Variants in ROBO1 observed in about 807,000 individuals in gnomAD.
The protein encoded by ROBO1 is roundabout guidance receptor 1, also known as roundabout homolog 1.
Under a neutral mutation model 195.9 loss-of-function variants are expected in ROBO1, and 149 were observed. That is an observed-to-expected ratio of 0.76 (90% CI 0.67 to 0.87). The LOEUF (loss-of-function observed/expected upper bound fraction) is 0.87. ROBO1 is among the 40% of genes least tolerant of loss of function. The pLI is 0.00. For synonymous variants in ROBO1, 816 were observed against 733.2 expected (o/e 1.11, Z -1.82); for missense variants, 1,933 against 2,068.3 (o/e 0.93, Z 1.27).
At chr3:79,393,461 T>C (rs1413937755) in intron 2 of ROBO1, among the ~76,000 whole-genome samples, 3 of 152,204 alleles carry the variant, frequency 2.0e-5, no homozygotes, top group African/African-American at 4.8e-5. Context: ...TGAATCAAGG[T>C]TTTACTTTTC....
At chr3:79,499,288 C>T (rs1263099409) in intron 2 of ROBO1, among the ~76,000 whole-genome samples, 2 of 152,150 alleles carry the variant, frequency 1.3e-5, no homozygotes, top group Non-Finnish European at 2.9e-5. Context: ...AGCCACCGCG[C>T]CCGGCCCAAA....
intron 2 of ROBO1, among the ~76,000 whole-genome samples, chr3:79,235,829 A>T (rs1040497204): frequency 2.6e-5 from 4 of 152,166 alleles, no homozygotes; most frequent in Non-Finnish European, 5.9e-5. Context: ...TAAAAATACA[A>T]AAAGATTTTT....
chr3:78,778,958 T>C (rs2083586859), intron 4 of ROBO1, among the ~76,000 whole-genome samples: 1 of 152,148 alleles, frequency 6.6e-6, no homozygotes, highest in South Asian at 2.1e-4. Context: ...GCCACGCATC[T>C]ACGACCATCT....
intron 1 of ROBO1, among the ~76,000 whole-genome samples, chr3:79,731,177 A>G (rs1703134046): frequency 6.6e-6 from 1 of 152,196 alleles, no homozygotes. Flanking sequence ...TTGTGACATC[A>G]GTTATTAATG....
intron 1 of ROBO1, among the ~76,000 whole-genome samples, chr3:79,725,893 AT>A (rs1238602165): frequency 6.8e-5 from 10 of 147,712 alleles, no homozygotes; most frequent in African/African-American, 2.2e-4. Flanking sequence ...TAAAGCTTAC[AT>A]ACAGACACTT....
intron 3 of ROBO1, among the ~76,000 whole-genome samples, chr3:79,013,815 T>C (rs888649723): frequency 2.0e-5 from 3 of 152,202 alleles, no homozygotes; most frequent in Non-Finnish European, 2.9e-5. Context: ...TTTAGTAAAG[T>C]GATAGTCCTA....
intron 4 of ROBO1, among the ~76,000 whole-genome samples, chr3:78,862,800 A>G (rs2034931832): frequency 6.6e-6 from 1 of 152,184 alleles, no homozygotes; most frequent in African/African-American, 2.4e-5. Context: ...AGAGGGTAGT[A>G]CTTGGGTGAG....
chr3:79,126,990 C>A (rs754640898), intron 2 of ROBO1, among the ~76,000 whole-genome samples: 19 of 150,716 alleles, frequency 1.3e-4, no homozygotes, highest in Non-Finnish European at 2.1e-4. Context: ...ATTATAATAA[C>A]CTGATGTGGC....
At chr3:79,088,562 G>C (rs1418392040) in intron 3 of ROBO1, among the ~76,000 whole-genome samples, 1 of 151,822 alleles carries the variant, frequency 6.6e-6, no homozygotes, top group Non-Finnish European at 1.5e-5. Flanking sequence ...GAGAGTAACA[G>C]GAAAGGTAAG....
intron 1 of ROBO1, among the ~76,000 whole-genome samples, chr3:79,632,305 A>G (rs1945369073): frequency 6.6e-6 from 1 of 152,230 alleles, no homozygotes; most frequent in African/African-American, 2.4e-5. Context: ...AGCCACAAAA[A>G]GAATGAAATC....
At chr3:79,688,897 AAACT>A (rs1347081526) in intron 1 of ROBO1, among the ~76,000 whole-genome samples, 4 of 152,036 alleles carry the variant, frequency 2.6e-5, no homozygotes, top group South Asian at 4.1e-4. Context: ...TAAAAGACAA[AAACT>A]AACCAAATTA....
intron 2 of ROBO1, among the ~76,000 whole-genome samples, chr3:79,418,775 T>G (rs555346161): frequency 3.1e-4 from 47 of 152,278 alleles, no homozygotes; most frequent in African/African-American, 1.0e-3. Context: ...CACAAATTCA[T>G]GATCATGCTG....
intron 20 of ROBO1, among the ~76,000 whole-genome samples, chr3:78,646,865 C>T (rs942945403): frequency 6.6e-6 from 1 of 151,736 alleles, no homozygotes; most frequent in Admixed American, 6.6e-5. Context: ...AAAAATTTAA[C>T]CATAACAAAA....
Position 78,714,485 on chromosome 3 carries a change from C to A in ROBO1, c.957G>T (p.Lys319Asn), listed in dbSNP as rs1321176286. 3.1e-6 allele frequency: 5 copies of A among 1,612,400 alleles called. No homozygotes were observed. Among genetic ancestry groups the A allele is most frequent in the Admixed American group, 1.7e-5 (1 of 59,812 alleles). The change falls in exon 8 of 31, where the codon AAG (lysine) becomes AAT (asparagine). Residue 319 changes from lysine to asparagine, a missense_variant. Around this residue, in one of 3 missense-constraint regions of ROBO1, gnomAD observed 1,737 missense variants for 1,882.5 expected, o/e 0.92. Coordinates refer to ENST00000464233, the MANE Select transcript of ROBO1 (RefSeq NM_002941.4). ...ATGAACCCATGTCACCAGCTGTCAC[C>A]TTCCTAATTTTCAAGGTATGATCAT... ...IRDDHTLKIR[K>N]VTAGDMGSYT...
chr3:78,645,488 C>T (rs922786749), intron 21 of ROBO1, among the ~76,000 whole-genome samples: 1 of 150,306 alleles, frequency 6.7e-6, no homozygotes, highest in Non-Finnish European at 1.5e-5. Context: ...AATTCTGAAG[C>T]TTGGCTCATC....
chr3:78,854,230 C>T (rs2034257682), intron 4 of ROBO1, among the ~76,000 whole-genome samples: 1 of 149,058 alleles, frequency 6.7e-6, no homozygotes, highest in African/African-American at 2.5e-5. Flanking sequence ...CTCTATGGTT[C>T]CCCTGAATAC....
chr3:79,609,671 T>TA (rs1944595279), intron 1 of ROBO1, among the ~76,000 whole-genome samples: 1 of 151,752 alleles, frequency 6.6e-6, no homozygotes, highest in Non-Finnish European at 1.5e-5. Flanking sequence ...CGTTCAGCCT[T>TA]AAAAAGAAGG....
chr3:79,282,801 C>T (rs1345132436), intron 2 of ROBO1, among the ~76,000 whole-genome samples: 1 of 152,040 alleles, frequency 6.6e-6, no homozygotes, highest in African/African-American at 2.4e-5. Context: ...TGGAAACAGT[C>T]AGTGGCCTTT....
At chr3:78,763,663 A>T (rs1576115686) in intron 4 of ROBO1, among the ~76,000 whole-genome samples, 1 of 152,168 alleles carries the variant, frequency 6.6e-6, no homozygotes, top group Non-Finnish European at 1.5e-5. Flanking sequence ...TCATTAAAAA[A>T]ATTGAGTTCT....
Sources: gnomAD v4.1 joint callset for allele counts (sites outside exome capture counted in the v4.1 genomes callset) on GRCh38, gnomAD v4.1.1 for gene constraint, gnomAD v4.1.1 regional missense constraint, MANE v1.5 for transcripts, NCBI Gene and HGNC (gene_info 2026-07-23, HGNC 2026-07-21) for gene names.